KCNQ5: variants seen among roughly 807,000 people sequenced by gnomAD.
KCNQ5 encodes the protein potassium voltage-gated channel subfamily Q member 5.
A neutral mutation model predicts 98.2 loss-of-function variants in KCNQ5; 30 were observed. That is an observed-to-expected ratio of 0.31 (90% CI 0.23 to 0.41). The LOEUF (loss-of-function observed/expected upper bound fraction) is 0.41, where lower values mean the gene tolerates loss of function less well. KCNQ5 is among the 10% of genes least tolerant of loss of function. The probability of loss-of-function intolerance (pLI) is 1.00; values close to 1 mark genes in which losing one functional copy is unlikely to be tolerated. For missense variants in KCNQ5, 835 were observed against 1,182.5 expected (o/e 0.71, Z 4.31); for synonymous variants, 458 against 449.4 (o/e 1.02, Z -0.24).
chr6:73,081,051 A>G (rs1773744335), intron 5 of KCNQ5, among the ~76,000 whole-genome samples: 1 of 152,246 alleles, frequency 6.6e-6, no homozygotes, highest in Non-Finnish European at 1.5e-5. Flanking sequence ...TATGAGAGCT[A>G]TTGTTGGTGT....
At chr6:72,837,885 T>C (rs559594362) in intron 1 of KCNQ5, among the ~76,000 whole-genome samples, 2 of 152,264 alleles carry the variant, frequency 1.3e-5, no homozygotes, top group East Asian at 3.9e-4. Context: ...ATTGAATTAA[T>C]CTGGCTAAAT....
intron 1 of KCNQ5, among the ~76,000 whole-genome samples, chr6:72,783,473 C>A (rs1037926912): frequency 2.0e-5 from 3 of 152,130 alleles, no homozygotes; most frequent in African/African-American, 4.8e-5. Flanking sequence ...ATATGCAAGA[C>A]ATATTCAAGC....
intron 2 of KCNQ5, among the ~76,000 whole-genome samples, chr6:73,009,353 C>T (rs1562124906): frequency 6.6e-6 from 1 of 151,898 alleles, no homozygotes; most frequent in Non-Finnish European, 1.5e-5. Context: ...TTAATGAAAA[C>T]AAAACGCAAC....
intron 7 of KCNQ5, among the ~76,000 whole-genome samples, chr6:73,113,847 A>G (rs1030639615): frequency 6.6e-6 from 1 of 152,262 alleles, no homozygotes; most frequent in Non-Finnish European, 1.5e-5. Flanking sequence ...GGGTTATGTA[A>G]CATATATTGT....
intron 1 of KCNQ5, among the ~76,000 whole-genome samples, chr6:72,743,924 C>T (rs955325785): frequency 2.6e-5 from 4 of 152,152 alleles, no homozygotes; most frequent in African/African-American, 9.7e-5. Context: ...TGAATATAAT[C>T]TTAGCCCATA....
At chr6:73,004,730 A>G (rs117744919) in intron 2 of KCNQ5, among the ~76,000 whole-genome samples, 378 of 152,280 alleles carry the variant, frequency 2.5e-3, no homozygotes, top group South Asian at 1.0e-2. Flanking sequence ...ATTTTCAACT[A>G]TTTTGACCCA....
rs201695198 is a variant in KCNQ5 at position 72,645,213 on chromosome 6, AC to A, written c.398+22627del. 5.5e-4 allele frequency among the ~76,000 whole-genome samples: 78 copies of A among 141,270 alleles called. 2 individuals carry two copies. The highest frequency in any genetic ancestry group is 1.4e-3 in the African/African-American group (52 of 37,048). The allele number at this position is 141,270 out of a possible 152,430, so 92.7% of individuals were successfully genotyped here. A position where few individuals can be genotyped will look rare whatever the true frequency, so the allele number is the denominator to read the frequency against. On this transcript the variant is annotated intron_variant, in intron 1 of 13. Transcript: ENST00000370398. ...AGTGAGACCTTGTCACCAAAAAAAA[AC>A]AAAAAAAAACAAAAAAAACATAGTA... is the stretch of plus-strand genomic sequence containing the variant.
chr6:72,692,178 G>A (rs1263103844), intron 1 of KCNQ5, among the ~76,000 whole-genome samples: 2 of 152,216 alleles, frequency 1.3e-5, no homozygotes, highest in Non-Finnish European at 2.9e-5. Context: ...TCTGCTCGAT[G>A]CCAGGTGTTT....
intron 2 of KCNQ5, among the ~76,000 whole-genome samples, chr6:73,036,356 A>AT (rs1771427677): frequency 7.2e-6 from 1 of 138,616 alleles, no homozygotes; most frequent in African/African-American, 2.8e-5. Flanking sequence ...ACTGCACTCC[A>AT]TTCTGGGCAA....
chr6:72,974,319 T>G (rs1367640681), intron 1 of KCNQ5, among the ~76,000 whole-genome samples: 1 of 151,906 alleles, frequency 6.6e-6, no homozygotes, highest in Non-Finnish European at 1.5e-5. Context: ...CAGAAAAAGT[T>G]TGTCCACCCC....
At chr6:72,694,989 C>G (rs893316309) in intron 1 of KCNQ5, among the ~76,000 whole-genome samples, 4 of 152,262 alleles carry the variant, frequency 2.6e-5, no homozygotes, top group South Asian at 4.1e-4. Context: ...AGTTAATTCA[C>G]TTAGGATAAT....
At position 72,950,538 on chromosome 6, in the gene KCNQ5, C is replaced by A. The variant is rs115925808; in HGVS notation, c.399-53370C>A. Among the ~76,000 whole-genome samples the A allele has an allele frequency of 6.4e-3, 979 of 152,304 alleles. 11 individuals carry two copies. The highest frequency in any genetic ancestry group is 0.021 in the African/African-American group (882 of 41,562). ...ACAGGAACCATTGGTTGCAGCAGAG[C>A]CCCTCAGCTGTCTCACTTCCTCCAG... On this transcript the variant is annotated intron_variant, in intron 1 of 13. Coordinates refer to ENST00000370398, the MANE Select transcript of KCNQ5 (RefSeq NM_019842.4).
At chr6:72,688,392 T>C (rs1041788119) in intron 1 of KCNQ5, among the ~76,000 whole-genome samples, 4 of 152,218 alleles carry the variant, frequency 2.6e-5, no homozygotes, top group Admixed American at 6.5e-5. Flanking sequence ...ATCTTTATCC[T>C]TCTTCATTTG....
chr6:73,091,637 A>G (rs1774252513), intron 5 of KCNQ5, among the ~76,000 whole-genome samples: 1 of 152,058 alleles, frequency 6.6e-6, no homozygotes, highest in South Asian at 2.1e-4. Context: ...GCATATTTTT[A>G]TACCAATACC....
chr6:73,064,058 C>G (rs1270526907), intron 3 of KCNQ5, among the ~76,000 whole-genome samples: 4 of 152,096 alleles, frequency 2.6e-5, no homozygotes. Context: ...GAATGAATTC[C>G]CATCCATAAA....
intron 1 of KCNQ5, among the ~76,000 whole-genome samples, chr6:72,693,793 T>C (rs1768342167): frequency 6.6e-6 from 1 of 152,220 alleles, no homozygotes; most frequent in Non-Finnish European, 1.5e-5. Flanking sequence ...GACACTTATA[T>C]TAGCTGTTTC....
chr6:72,826,580 T>A (rs1776006085), intron 1 of KCNQ5, among the ~76,000 whole-genome samples: 1 of 152,038 alleles, frequency 6.6e-6, no homozygotes, highest in African/African-American at 2.4e-5. Flanking sequence ...TCTTGGGTTT[T>A]AAAAAAATGT....
chr6:73,154,897 C>CA (rs11370288), intron 10 of KCNQ5, among the ~76,000 whole-genome samples: 7,593 of 151,836 alleles, frequency 0.05, 235 homozygotes, highest in Middle Eastern at 0.088. Flanking sequence ...AAAAACAAAA[C>CA]AAAAAAATTA....
intron 1 of KCNQ5, among the ~76,000 whole-genome samples, chr6:72,778,604 C>A (rs1360235206): frequency 9.5e-6 from 1 of 104,896 alleles, no homozygotes; most frequent in Non-Finnish European, 2.2e-5. Context: ...TAAATATTCC[C>A]ACCACAAAAA....
Sources: gnomAD v4.1 joint callset for allele counts (sites outside exome capture counted in the v4.1 genomes callset) on GRCh38, gnomAD v4.1.1 for gene constraint, MANE v1.5 for transcripts, NCBI Gene and HGNC (gene_info 2026-07-23, HGNC 2026-07-21) for gene names.